Variants in NPDC1 observed in about 807,000 individuals in gnomAD.
The protein encoded by NPDC1 is neural proliferation differentiation and control protein 1.
A neutral mutation model predicts 32.5 loss-of-function variants in NPDC1; 18 were observed. The observed-to-expected ratio is 0.55, with a 90% CI of 0.38 to 0.82. The LOEUF is 0.82. Among genes scored for constraint, NPDC1 ranks in the 40% least tolerant of loss-of-function variants. NPDC1 has a pLI of 0.00. For missense variants in NPDC1, 468 were observed against 406.6 expected (o/e 1.15, Z -1.30); for synonymous variants, 210 against 184.7 (o/e 1.14, Z -1.11).
intron 1 of NPDC1, chr9:137,043,905 G>C (rs541932542): frequency 1.9e-5 from 3 of 156,984 alleles, no homozygotes; most frequent in Non-Finnish European, 4.2e-5. Context: ...GGGGGCAATG[G>C]CCCTCTGCCT....
At chr9:137,043,188 G>T in intron 1 of NPDC1, 115 bp from the exon 2 acceptor site, 3 of 1,204,906 alleles carry the variant, frequency 2.5e-6, no homozygotes, top group Non-Finnish European at 3.6e-6. Context: ...GGCCGGGCCT[G>T]GTTCTGGCCA....
At chr9:137,042,194 C>G (rs1204097028) in intron 2 of NPDC1, among the ~76,000 whole-genome samples, 1 of 151,944 alleles carries the variant, frequency 6.6e-6, no homozygotes, top group East Asian at 1.9e-4. Context: ...ACCCAACACC[C>G]CACAAGGTCC....
In NPDC1 at chr9:137,043,082, G is replaced by T; in HGVS notation, c.113-9C>A. 6.2e-7 allele frequency: 1 copy of T among 1,612,298 alleles called. No homozygotes were observed. Among genetic ancestry groups the T allele is most frequent in the Non-Finnish European group, 8.5e-7 (1 of 1,179,700 alleles). ...GGGACAGGCGGCTACATCTGGGAAGGAAGCAGAAGGCAGGGCCGGCTCACG... is the reference window on the plus strand; with the variant it reads ...GGGACAGGCGGCTACATCTGGGAAGTAAGCAGAAGGCAGGGCCGGCTCACG... On this transcript the variant is annotated splice_polypyrimidine_tract_variant and intron_variant, in intron 1 of 8. Transcript: ENST00000371601.
chr9:137,041,253 C>T (rs1832047622), intron 2 of NPDC1, 66 bp from the exon 3 acceptor site: 2 of 1,338,278 alleles, frequency 1.5e-6, no homozygotes, highest in South Asian at 4.5e-5. Flanking sequence ...GCCCGGCCTC[C>T]CCGCTTCTGG....
At position 137,040,037 on chromosome 9, in the gene NPDC1, C is replaced by T. The variant is rs753235799; in HGVS notation, c.819G>A (p.Thr273=). Residue 273 remains threonine, a synonymous_variant, in exon 8 of 9, where the codon ACG becomes ACA. Transcript: ENST00000371601. The stretch of plus-strand genomic sequence containing the variant: ...CCTCATTCTCCTCATCCGAGGAGGC[C>T]GTGTCCAGCTCCTTGGGTGGCTCTT... ...RHKEPPKELD[T]ASSDEENEDG... The T allele has an allele frequency of 3.0e-5, 23 of 778,448 alleles. No homozygotes were observed. Among genetic ancestry groups the T allele is most frequent in the African/African-American group, 6.8e-5 (4 of 58,950 alleles). 48.2% of individuals were successfully genotyped at this position (778,448 alleles called of 1,614,324 possible).
chr9:137,039,585 G>A lies in NPDC1; in HGVS notation c.*187C>T, dbSNP rs1832013347. The stretch of plus-strand genomic sequence containing the variant: ...TCTAAACCGAACAGGAGAGGTGCAG[G>A]GGACCAGGAGGTGTCCTGGCACAAA... On this transcript the variant is annotated 3_prime_UTR_variant, in exon 9 of 9. Transcript: ENST00000371601. The A allele has an allele frequency of 1.7e-6, 1 of 577,238 alleles. No homozygotes were observed. The highest frequency in any genetic ancestry group is 1.9e-5 in the African/African-American group (1 of 53,408). 35.8% of individuals were successfully genotyped at this position (577,238 alleles called of 1,614,324 possible). A position where few individuals can be genotyped will look rare whatever the true frequency, so the allele number is the denominator to read the frequency against.
chr9:137,042,315 G>T (rs535976016), intron 2 of NPDC1, among the ~76,000 whole-genome samples: 9 of 151,744 alleles, frequency 5.9e-5, no homozygotes, highest in Non-Finnish European at 1.2e-4. Flanking sequence ...GTGCAGTGGC[G>T]CGATCTCGGC....
Position 137,046,095 on chromosome 9 carries a change from G to T in NPDC1, c.-106C>A. 1 of 1,087,178 alleles carries T rather than the reference G, an allele frequency of 9.2e-7. No individual in the cohort carries two copies. The highest frequency in any genetic ancestry group is 1.7e-5 in the African/African-American group (1 of 59,450). The allele number at this position is 1,087,178 out of a possible 1,614,324, so 67.3% of individuals were successfully genotyped here. On this transcript the variant is annotated 5_prime_UTR_variant, in exon 1 of 9. Transcript: ENST00000371601. ...GCGGAGGCAGCGGGGGAGGACGCAG[G>T]AGGAAGAAGAGGCGGATGCCAAGGA... is the stretch of plus-strand genomic sequence containing the variant.
In NPDC1 at chr9:137,040,834, T is replaced by C. The variant is rs1473884712; in HGVS notation, c.536A>G (p.Gln179Arg). ...HMSPLEPRGG[Q>R]GDGLALVLIL... ...CCTACCAAGGGCGAGGCCGTCGCCT[T>C]GCCCTCCCCGGGGCTCCAGGGGCGA... Residue 179 changes from glutamine to arginine, a missense_variant, in exon 4 of 9, where the codon CAA becomes CGA. Physicochemically the swap from Gln to Arg is conservative, Grantham distance 43. Coordinates refer to ENST00000371601, the MANE Select transcript of NPDC1 (RefSeq NM_015392.4). 9 of 1,595,940 alleles carry C rather than the reference T, an allele frequency of 5.6e-6. No homozygotes were observed. Among genetic ancestry groups the C allele is most frequent in the Non-Finnish European group, 7.7e-6 (9 of 1,175,122 alleles).
chr9:137,040,971 G>C lies in NPDC1; in HGVS notation c.399C>G (p.Phe133Leu), dbSNP rs1438960984. Residue 133 changes from phenylalanine (F) to leucine (L), a missense_variant, in exon 4 of 9, where the codon TTC becomes TTG. Phe to Leu is a conservative substitution (Grantham distance 22, BLOSUM62 0). Transcript: ENST00000371601. ...QRLPEPATLG[F>L]SARGQGLELG... is the part of the protein sequence containing the mutation. ...GCTCCAGCCCCTGCCCCCGTGCCGA[G>C]AAGCCCAGGGTGGCTGCGAGAGAGG... 1.3e-6 allele frequency: 2 copies of C among 1,542,644 alleles called. No individual in the cohort carries two copies. Among genetic ancestry groups the C allele is most frequent in the East Asian group, 4.5e-5 (2 of 44,284 alleles).
intron 1 of NPDC1, 139 bp from the exon 2 acceptor site, chr9:137,043,212 G>T: frequency 1.0e-6 from 1 of 969,416 alleles, no homozygotes; most frequent in Non-Finnish European, 1.6e-6. Context: ...TTCTGGACAT[G>T]CCCTTCCTCC....
At chr9:137,042,723 C>G in intron 2 of NPDC1, 2 of 587,342 alleles carry the variant, frequency 3.4e-6, no homozygotes. Context: ...CCACACCCGG[C>G]TACTTTGTAT....
Position 137,040,616 on chromosome 9 carries a change from T to C in NPDC1, c.624-18A>G. On this transcript the variant is annotated intron_variant, in intron 5 of 8. Coordinates refer to ENST00000371601, the MANE Select transcript of NPDC1 (RefSeq NM_015392.4). ...GCTGCAGCCTGTGGGGAGTGGGGCC[T>C]GAGACCTCTGAGCGTGTGGCACCCT... 6.4e-7 allele frequency: 1 copy of C among 1,562,992 alleles called. No individual in the cohort carries two copies. Among genetic ancestry groups the C allele is most frequent in the South Asian group, 1.2e-5 (1 of 85,508 alleles).
intron 7 of NPDC1, 34 bp downstream of exon 7, chr9:137,040,323 G>A (rs1262352535): frequency 8.5e-7 from 1 of 1,176,764 alleles, no homozygotes. Flanking sequence ...GGGGGTGGGT[G>A]GGTGGGGGTG....
At chr9:137,042,411 G>A (rs1176697311) in intron 2 of NPDC1, among the ~76,000 whole-genome samples, 3 of 150,464 alleles carry the variant, frequency 2.0e-5, no homozygotes, top group African/African-American at 7.4e-5. Flanking sequence ...CCGCCGCCAC[G>A]CCCGGCTAAT....
At chr9:137,043,548 C>G in intron 1 of NPDC1, 2 of 596,700 alleles carry the variant, frequency 3.4e-6, no homozygotes, top group South Asian at 4.1e-5. Context: ...CCCCAGAACC[C>G]GGCACTGACA....
rs781162616 is a variant in NPDC1, at chr9:137,039,992, G to A, written c.864C>T (p.Tyr288=). 11 of 779,072 alleles carry A rather than the reference G, an allele frequency of 1.4e-5. No homozygotes were observed. The highest frequency in any genetic ancestry group is 4.5e-4 in the Middle Eastern group (2 of 4,442). 48.3% of individuals were successfully genotyped at this position (779,072 alleles called of 1,614,324 possible). A position where few individuals can be genotyped will look rare whatever the true frequency, so the allele number is the denominator to read the frequency against. ...TCACCGGGGCCAGGCCCGGGCACTCGTACACCGTGAAGTCTCCGTCCTCAT... is the reference window on the plus strand; with the variant it reads ...TCACCGGGGCCAGGCCCGGGCACTCATACACCGTGAAGTCTCCGTCCTCAT... ...EENEDGDFTV[Y]ECPGLAPTGE... Residue 288 remains tyrosine, a synonymous_variant, in exon 8 of 9, where the codon TAC becomes TAT. Coordinates refer to ENST00000371601, the MANE Select transcript of NPDC1 (RefSeq NM_015392.4).
chr9:137,045,048 G>A (rs1832110090), intron 1 of NPDC1, among the ~76,000 whole-genome samples: 1 of 152,370 alleles, frequency 6.6e-6, no homozygotes, highest in East Asian at 1.9e-4. Flanking sequence ...GCTGCCAGGA[G>A]TACTGTACGA....
rs998695823 is a variant in NPDC1, at chr9:137,039,611, G to A, written c.*161C>T. On this transcript the variant is annotated 3_prime_UTR_variant, in exon 9 of 9. Transcript: ENST00000371601. ...GGACCAGGAGGTGTCCTGGCACAAAGGTTCGGGGGTCTCCCTGGCAAGGGG... is the reference window on the plus strand; with the variant it reads ...GGACCAGGAGGTGTCCTGGCACAAAAGTTCGGGGGTCTCCCTGGCAAGGGG... The A allele has an allele frequency of 2.0e-5, 12 of 589,126 alleles. No individual in the cohort carries two copies. Among genetic ancestry groups the A allele is most frequent in the Non-Finnish European group, 2.7e-5 (9 of 331,456 alleles). The allele number at this position is 589,126 out of a possible 1,614,324, so 36.5% of individuals were successfully genotyped here. A position where few individuals can be genotyped will look rare whatever the true frequency, so the allele number is the denominator to read the frequency against.
Sources: allele counts gnomAD v4.1 joint callset (sites outside exome capture counted in the v4.1 genomes callset), GRCh38; gene constraint gnomAD v4.1.1; transcripts MANE v1.5; gene names NCBI Gene and HGNC (gene_info 2026-07-23, HGNC 2026-07-21).